The following TECRL variants were observed in gnomAD, a reference collection of about 807,000 sequenced individuals.
TECRL encodes trans-2,3-enoyl-CoA reductase like, also known as trans-2,3-enoyl-CoA reductase-like.
Under a neutral mutation model 52.8 loss-of-function variants are expected in TECRL, and 63 were observed. The ratio of observed to expected loss-of-function variants is 1.19; its 90% CI spans 0.97 to 1.47. The LOEUF is 1.47. Ranked by LOEUF, TECRL falls within the 40% of genes most tolerant of loss-of-function variation. The pLI, the probability that TECRL is intolerant of heterozygous loss-of-function variation, is 0.00. For missense variants in TECRL, 482 were observed against 429.6 expected (o/e 1.12, Z -1.08); for synonymous variants, 164 against 141.9 (o/e 1.16, Z -1.10).
At chr4:64,329,002 T>C (rs765176866) in intron 2 of TECRL, among the ~76,000 whole-genome samples, 1 of 152,016 alleles carries the variant, frequency 6.6e-6, no homozygotes, top group South Asian at 2.1e-4. Flanking sequence ...AATACTAAGA[T>C]GTCTATCAGA....
At chr4:64,337,408 T>C (rs1719181729) in intron 2 of TECRL, among the ~76,000 whole-genome samples, 1 of 152,150 alleles carries the variant, frequency 6.6e-6, no homozygotes, top group African/African-American at 2.4e-5. Context: ...TTCAACATAG[T>C]GTTGGAAGTT....
intron 2 of TECRL, among the ~76,000 whole-genome samples, chr4:64,343,390 C>T (rs1719723187): frequency 6.6e-6 from 1 of 151,988 alleles, no homozygotes; most frequent in South Asian, 2.1e-4. Context: ...ACCCTATTTA[C>T]CAATTTTGCA....
chr4:64,284,800 T>A (rs564453463), intron 9 of TECRL, among the ~76,000 whole-genome samples: 42 of 152,204 alleles, frequency 2.8e-4, no homozygotes, highest in Middle Eastern at 3.4e-3. Context: ...TATAGATGAA[T>A]AGTTAAGAGA....
At chr4:64,408,635 A>T (rs571675991) in intron 1 of TECRL, among the ~76,000 whole-genome samples, 1 of 152,188 alleles carries the variant, frequency 6.6e-6, no homozygotes, top group Admixed American at 6.5e-5. Flanking sequence ...AATAAAATCA[A>T]TTCAAAATAA....
At chr4:64,370,488 T>A (rs1577950084) in intron 2 of TECRL, among the ~76,000 whole-genome samples, 4 of 146,084 alleles carry the variant, frequency 2.7e-5, no homozygotes, top group African/African-American at 9.9e-5. Flanking sequence ...GCAGAAAGTT[T>A]TTTTCATATC....
rs576055970 is a variant in TECRL at position 64,302,357 on chromosome 4, G to A, written c.731-2340C>T. Among the ~76,000 whole-genome samples the A allele has an allele frequency of 1.3e-4, 19 of 151,424 alleles. 1 individual carries two copies. Among genetic ancestry groups the A allele is most frequent in the African/African-American group, 4.3e-4 (18 of 41,480 alleles). Reference sequence around the variant, plus strand: ...AAACACTGTTACCACAGAGAATTCTGAAAGGAGTGGGAAAAAGACCAGTTA... The same window carrying A: ...AAACACTGTTACCACAGAGAATTCTAAAAGGAGTGGGAAAAAGACCAGTTA... On this transcript the variant is annotated intron_variant, in intron 7 of 11. Transcript: ENST00000381210.
rs192652996 is a variant in TECRL, at chr4:64,281,265, G to A, written c.919-179C>T. 3.3e-5 allele frequency among the ~76,000 whole-genome samples: 5 copies of A among 151,726 alleles called. No individual in the cohort carries two copies. In the East Asian group the frequency reaches 9.7e-4, roughly 29 times the overall value. ...AAAGTCATAAGCAATCTCATTAAATGGGATCATATTTATAAGAAAATGAAA... is the reference window on the plus strand; with the variant it reads ...AAAGTCATAAGCAATCTCATTAAATAGGATCATATTTATAAGAAAATGAAA... On this transcript the variant is annotated intron_variant, in intron 10 of 11. Transcript: ENST00000381210.
chr4:64,298,263 TAGTC>T (rs1248344925), intron 8 of TECRL, among the ~76,000 whole-genome samples: 3 of 151,272 alleles, frequency 2.0e-5, no homozygotes, highest in Non-Finnish European at 3.0e-5. Flanking sequence ...CTATTGGACA[TAGTC>T]TATTACACCA....
chr4:64,293,708 A>C (rs1723521433), intron 8 of TECRL, among the ~76,000 whole-genome samples: 1 of 151,946 alleles, frequency 6.6e-6, no homozygotes, highest in African/African-American at 2.4e-5. Context: ...CTCTTCCTTA[A>C]AGAAATGAAA....
chr4:64,357,139 A>G (rs1720830898), intron 2 of TECRL, among the ~76,000 whole-genome samples: 2 of 152,130 alleles, frequency 1.3e-5, no homozygotes, highest in South Asian at 4.1e-4. Flanking sequence ...TATGCGTTAA[A>G]TGATACTATG....
intron 1 of TECRL, among the ~76,000 whole-genome samples, chr4:64,399,275 G>C (rs13130356): frequency 0.64 from 97,404 of 152,018 alleles, 32,496 homozygotes; most frequent in Non-Finnish European, 0.74. Context: ...ACTTCTCATA[G>C]CCTAATTTCA....
intron 2 of TECRL, among the ~76,000 whole-genome samples, chr4:64,371,981 T>A (rs1722007089): frequency 6.6e-6 from 1 of 151,810 alleles, no homozygotes; most frequent in African/African-American, 2.4e-5. Flanking sequence ...CAGTAGTTTT[T>A]AAAATATCTT....
intron 2 of TECRL, among the ~76,000 whole-genome samples, chr4:64,333,956 G>A (rs1333529451): frequency 8.4e-6 from 1 of 118,588 alleles, no homozygotes; most frequent in African/African-American, 3.7e-5. Flanking sequence ...CCCGGGAGGC[G>A]GAGCTTGCAG....
chr4:64,321,509 G>C (rs1577868285), intron 4 of TECRL, among the ~76,000 whole-genome samples: 1 of 152,016 alleles, frequency 6.6e-6, no homozygotes, highest in African/African-American at 2.4e-5. Context: ...AATAACAGAA[G>C]TTTAATGTAA....
At chr4:64,356,227 C>T (rs567073836) in intron 2 of TECRL, among the ~76,000 whole-genome samples, 3 of 152,276 alleles carry the variant, frequency 2.0e-5, no homozygotes, top group Admixed American at 1.3e-4. Context: ...GGTTTCTCCC[C>T]ATGTGATAGT....
chr4:64,280,018 C>T lies in TECRL; in HGVS notation c.*54G>A, dbSNP rs544073941. ...AATAGTTAACTATCCTTAACTAAGT[C>T]TTATTTATTGAATTTATATGTTGCT... On this transcript the variant is annotated 3_prime_UTR_variant, in exon 12 of 12. Transcript: ENST00000381210. 2.0e-6 allele frequency: 3 copies of T among 1,533,286 alleles called. No individual in the cohort carries two copies. The African/African-American group carries it at 4.2e-5, about 21-fold the overall frequency. The allele number at this position is 1,533,286 out of a possible 1,614,324, so 95.0% of individuals were successfully genotyped here.
At chr4:64,358,513 T>C (rs1184980077) in intron 2 of TECRL, among the ~76,000 whole-genome samples, 2 of 151,604 alleles carry the variant, frequency 1.3e-5, no homozygotes, top group African/African-American at 4.8e-5. Context: ...TGGAGAACAA[T>C]AGGTAAAATT....
At chr4:64,291,542 T>C (rs995187292) in intron 8 of TECRL, among the ~76,000 whole-genome samples, 1 of 151,992 alleles carries the variant, frequency 6.6e-6, no homozygotes, top group African/African-American at 2.4e-5. Context: ...AAATAAGTTT[T>C]AGAAATTATA....
intron 1 of TECRL, among the ~76,000 whole-genome samples, chr4:64,407,668 T>G (rs1260354490): frequency 6.6e-6 from 1 of 151,868 alleles, no homozygotes; most frequent in Admixed American, 6.6e-5. Context: ...TTTCATTCCA[T>G]TTGTTGCACT....
Sources: allele counts gnomAD v4.1 joint callset (sites outside exome capture counted in the v4.1 genomes callset), GRCh38; gene constraint gnomAD v4.1.1; transcripts MANE v1.5; gene names NCBI Gene and HGNC (gene_info 2026-07-23, HGNC 2026-07-21).